The following LYPLAL1 variants were observed in gnomAD, a reference collection of about 807,000 sequenced individuals.
LYPLAL1 encodes lysophospholipase-like protein 1.
A neutral mutation model predicts 19.7 loss-of-function variants in LYPLAL1; 23 were observed. The ratio of observed to expected loss-of-function variants is 1.17; its 90% confidence interval spans 0.84 to 1.65. The LOEUF (loss-of-function observed/expected upper bound fraction) is 1.65. LYPLAL1 is among the 40% of genes most tolerant of loss of function. The pLI, the probability that LYPLAL1 is intolerant of heterozygous loss-of-function variation, is 0.00. For missense variants in LYPLAL1, 355 were observed against 279.4 expected (o/e 1.27, Z -1.93); for synonymous variants, 119 against 96.3 (o/e 1.24, Z -1.38).
At chr1:219,216,328 A>G (rs1378267853), downstream of LYPLAL1, among the ~76,000 whole-genome samples, 1 of 152,114 alleles carries the variant, frequency 6.6e-6, no homozygotes, top group East Asian at 1.9e-4. Context: ...TGTGAGCTCT[A>G]TCTTGTTAAG....
At chr1:219,395,166 T>C in the LYPLAL1 span, among the ~76,000 whole-genome samples, 4 of 152,166 alleles carry the variant, frequency 2.6e-5, no homozygotes, top group African/African-American at 9.7e-5. Flanking sequence ...GGTCAAATGG[T>C]AGTTTTGTTT....
the LYPLAL1 span, among the ~76,000 whole-genome samples, chr1:219,419,873 A>G: frequency 6.6e-6 from 1 of 152,210 alleles, no homozygotes; most frequent in African/African-American, 2.4e-5. Flanking sequence ...ATATGTGTAC[A>G]GCTAGCTTCC....
intron 2 of LYPLAL1, among the ~76,000 whole-genome samples, chr1:219,188,787 C>A (rs1200794384): frequency 1.3e-5 from 2 of 150,766 alleles, no homozygotes. Flanking sequence ...ATGTTCTTTG[C>A]CAAACATATT....
chr1:219,288,208 A>C, the LYPLAL1 span, among the ~76,000 whole-genome samples: 899 of 152,332 alleles, frequency 5.9e-3, 10 homozygotes, highest in African/African-American at 0.02. Flanking sequence ...AAAATTTAGA[A>C]GCAACCAAGA....
At chr1:219,360,988 A>T in the LYPLAL1 span, among the ~76,000 whole-genome samples, 1 of 152,172 alleles carries the variant, frequency 6.6e-6, no homozygotes. Flanking sequence ...AGTTATGAAG[A>T]CTCTTTAACA....
At chr1:219,307,522 T>C in the LYPLAL1 span, among the ~76,000 whole-genome samples, 40 of 152,334 alleles carry the variant, frequency 2.6e-4, no homozygotes, top group African/African-American at 7.9e-4. Context: ...TGTTGATGGC[T>C]GAAATTGCCT....
chr1:219,328,478 G>A, the LYPLAL1 span, among the ~76,000 whole-genome samples: 1 of 152,076 alleles, frequency 6.6e-6, no homozygotes, highest in Non-Finnish European at 1.5e-5. Flanking sequence ...CACACCAGAA[G>A]AATTGTCAAT....
chr1:219,238,440 T>G, the LYPLAL1 span, among the ~76,000 whole-genome samples: 1 of 150,406 alleles, frequency 6.6e-6, no homozygotes, highest in Non-Finnish European at 1.5e-5. Flanking sequence ...CGTGAGCCAC[T>G]GCGCCCGGCC....
chr1:219,339,774 G>A, the LYPLAL1 span, among the ~76,000 whole-genome samples: 4 of 151,944 alleles, frequency 2.6e-5, no homozygotes, highest in African/African-American at 9.7e-5. Context: ...GAAACATATG[G>A]ACCAAATTTC....
chr1:219,388,076 A>G, the LYPLAL1 span, among the ~76,000 whole-genome samples: 2 of 151,884 alleles, frequency 1.3e-5, no homozygotes, highest in Non-Finnish European at 2.9e-5. Flanking sequence ...TCCACTAATT[A>G]CCCCATTAAT....
At chr1:219,203,381 A>C (rs371235341) in intron 3 of LYPLAL1, among the ~76,000 whole-genome samples, 3 of 152,084 alleles carry the variant, frequency 2.0e-5, no homozygotes, top group African/African-American at 7.2e-5. Flanking sequence ...CTTCTCACTA[A>C]ATTTTATTTT....
At chr1:219,177,912 C>G (rs1316262674) in intron 1 of LYPLAL1, among the ~76,000 whole-genome samples, 3 of 152,192 alleles carry the variant, frequency 2.0e-5, no homozygotes, top group Non-Finnish European at 2.9e-5. Flanking sequence ...TTTATAGACA[C>G]TGCTCTTTTC....
At chr1:219,312,375 T>C in the LYPLAL1 span, among the ~76,000 whole-genome samples, 1 of 152,196 alleles carries the variant, frequency 6.6e-6, no homozygotes, top group African/African-American at 2.4e-5. Flanking sequence ...CTAGGCTCTT[T>C]GTGCCTCCTT....
chr1:219,246,197 G>A, the LYPLAL1 span, among the ~76,000 whole-genome samples: 16 of 152,004 alleles, frequency 1.1e-4, no homozygotes, highest in African/African-American at 3.6e-4. Flanking sequence ...TCCGTGGTCC[G>A]TATTTCTCAA....
chr1:219,320,802 T>G, the LYPLAL1 span, among the ~76,000 whole-genome samples: 1 of 152,172 alleles, frequency 6.6e-6, no homozygotes, highest in African/African-American at 2.4e-5. Context: ...AGTATTCCAT[T>G]GTGTATATGT....
the LYPLAL1 span, among the ~76,000 whole-genome samples, chr1:219,420,287 T>C: frequency 6.6e-6 from 1 of 152,228 alleles, no homozygotes; most frequent in African/African-American, 2.4e-5. Flanking sequence ...CAAGATTTAA[T>C]TTCACCAAAT....
intron 2 of LYPLAL1, among the ~76,000 whole-genome samples, chr1:219,188,823 G>C (rs1656928282): frequency 6.6e-6 from 1 of 151,630 alleles, no homozygotes; most frequent in African/African-American, 2.4e-5. Context: ...TGTCTGAGGA[G>C]TTTTATACCA....
chr1:219,194,444 T>C (rs1277321645), intron 3 of LYPLAL1, among the ~76,000 whole-genome samples: 1 of 151,996 alleles, frequency 6.6e-6, no homozygotes, highest in Non-Finnish European at 1.5e-5. Context: ...TACGCATTAT[T>C]ATAGATGTTC....
chr1:219,345,745 CAGA>C, the LYPLAL1 span, among the ~76,000 whole-genome samples: 1 of 151,962 alleles, frequency 6.6e-6, no homozygotes, highest in African/African-American at 2.4e-5. Context: ...CACTGCTGTT[CAGA>C]AGAAGGTTTT....
Sources: gnomAD v4.1 joint callset for allele counts (sites outside exome capture counted in the v4.1 genomes callset) on GRCh38, gnomAD v4.1.1 for gene constraint, MANE v1.5 for transcripts, NCBI Gene and HGNC (gene_info 2026-07-23, HGNC 2026-07-21) for gene names.